Variants in LRRK2 observed in about 807,000 individuals in gnomAD.
LRRK2 encodes leucine rich repeat kinase 2, also known as leucine-rich repeat serine/threonine-protein kinase 2.
Under a neutral mutation model 302.6 loss-of-function variants are expected in LRRK2, and 203 were observed. The ratio of observed to expected loss-of-function variants is 0.67; its 90% CI spans 0.60 to 0.75. The LOEUF is 0.75. Ranked by LOEUF, LRRK2 falls within the 30% of genes least tolerant of loss-of-function variation. The probability of loss-of-function intolerance (pLI) is 0.00; values close to 1 mark genes in which losing one functional copy is unlikely to be tolerated. For missense variants in LRRK2, 2,830 were observed against 2,951.0 expected, an observed-to-expected ratio of 0.96 and a Z score of 0.95; for synonymous variants, 1,066 against 1,031.9, an observed-to-expected ratio of 1.03 and a Z score of -0.63.
chr12:40,241,625 A>T (rs1322578244), intron 6 of LRRK2, among the ~76,000 whole-genome samples: 1 of 152,194 alleles, frequency 6.6e-6, no homozygotes, highest in Non-Finnish European at 1.5e-5. Context: ...TTAGAGTTAA[A>T]CAATGTACCT....
chr12:40,326,281 G>A (rs1472651931), intron 38 of LRRK2, among the ~76,000 whole-genome samples: 1 of 151,890 alleles, frequency 6.6e-6, no homozygotes, highest in Non-Finnish European at 1.5e-5. Flanking sequence ...TGGCTAACAC[G>A]GTGAAACCCC....
In LRRK2 at chr12:40,257,499, A is replaced by G. The variant is rs895589172; in HGVS notation, c.1418+122A>G. 3.3e-5 allele frequency: 39 copies of G among 1,185,872 alleles called. No homozygotes were observed. The East Asian group carries it at 7.5e-4, about 23-fold the overall frequency. 73.5% of individuals were successfully genotyped at this position (1,185,872 alleles called of 1,614,324 possible). A position where few individuals can be genotyped will look rare whatever the true frequency, so the allele number is the denominator to read the frequency against. On this transcript the variant is annotated intron_variant, in intron 12 of 50. Transcript: ENST00000298910. The stretch of plus-strand genomic sequence containing the variant: ...AAAACATAAGACACTTGAAAACTGA[A>G]GCATTTTGCAATGTAATCTCGTGTC...
At chr12:40,338,246 T>C (rs1945934092) in intron 40 of LRRK2, among the ~76,000 whole-genome samples, 2 of 152,152 alleles carry the variant, frequency 1.3e-5, no homozygotes, top group African/African-American at 4.8e-5. Context: ...ACAATCCTTC[T>C]GGATTGTGAC....
At chr12:40,316,093 C>T (rs1301395720) in intron 33 of LRRK2, among the ~76,000 whole-genome samples, 1 of 151,898 alleles carries the variant, frequency 6.6e-6, no homozygotes, top group Non-Finnish European at 1.5e-5. Context: ...GAAAAATTAC[C>T]CTAGTTGAGA....
At chr12:40,276,822 G>T (rs1322553748) in intron 16 of LRRK2, among the ~76,000 whole-genome samples, 1 of 152,030 alleles carries the variant, frequency 6.6e-6, no homozygotes, top group Non-Finnish European at 1.5e-5. Flanking sequence ...TTAATATTTA[G>T]ATGACGTAAG....
chr12:40,355,540 C>T (rs1946505636), intron 45 of LRRK2, among the ~76,000 whole-genome samples: 1 of 45,198 alleles, frequency 2.2e-5, no homozygotes, highest in Non-Finnish European at 6.4e-5. Context: ...TTCCTTCCTT[C>T]CTTCTTCTTT....
Position 40,259,496 on chromosome 12 carries a change from A to G in LRRK2, c.1435A>G (p.Ile479Val), listed in dbSNP as rs1384098520. ...LFEGSNTSLD[I>V]MAAVVPKILT... ...TATCCCCAGCAACACTTCCCTGGAT[A>G]TAATGGCAGCAGTGGTCCCCAAAAT... Residue 479 changes from isoleucine (I) to valine (V), a missense_variant, in exon 13 of 51, where the codon ATA becomes GTA. Physicochemically the swap from Ile to Val is conservative, Grantham distance 29. Transcript: ENST00000298910. The G allele has an allele frequency of 1.9e-6, 3 of 1,613,332 alleles. No homozygotes were observed. Among genetic ancestry groups the G allele is most frequent in the Admixed American group, 3.3e-5 (2 of 59,964 alleles).
chr12:40,322,249 A>C, intron 36 of LRRK2, 68 bp downstream of exon 36: 1 of 1,564,812 alleles, frequency 6.4e-7, no homozygotes, highest in Non-Finnish European at 8.7e-7. Flanking sequence ...AAAAAAAAAA[A>C]CTTTACCTTA....
intron 35 of LRRK2, 89 bp from the exon 36 acceptor site, chr12:40,321,946 A>C (rs989395120): frequency 2.1e-5 from 27 of 1,271,038 alleles, no homozygotes; most frequent in South Asian, 2.4e-5. Flanking sequence ...AAATGAATAG[A>C]TCTGTATTAC....
At chr12:40,305,740 T>G (rs1243847773) in intron 27 of LRRK2, 45 bp from the exon 28 acceptor site, 1 of 1,575,906 alleles carries the variant, frequency 6.3e-7, no homozygotes, top group East Asian at 2.2e-5. Flanking sequence ...AGAGCACATT[T>G]CTTCCTTCCC....
chr12:40,278,159 A>G lies in LRRK2; in HGVS notation c.2139A>G (p.Leu713=). 4.3e-6 allele frequency: 7 copies of G among 1,614,126 alleles called. No homozygotes were observed. The highest frequency in any genetic ancestry group is 5.9e-6 in the Non-Finnish European group (7 of 1,179,998). The change falls in exon 18 of 51, where the codon CTA becomes CTG. Residue 713 remains leucine, a synonymous_variant. Transcript: ENST00000298910. ...ATGATTACTTAAAAAATGTGATGCT[A>G]GAGAGAGCGTGTGATCAGAATAACA... ...AMDDYLKNVM[L]ERACDQNNSI...
chr12:40,358,420 G>A (rs1451173422), intron 46 of LRRK2, among the ~76,000 whole-genome samples: 2 of 152,112 alleles, frequency 1.3e-5, no homozygotes, highest in Non-Finnish European at 2.9e-5. Flanking sequence ...GTGAGAGAGT[G>A]GGGCCTACTT....
At chr12:40,268,996 A>G (rs1943130200) in intron 14 of LRRK2, among the ~76,000 whole-genome samples, 2 of 152,196 alleles carry the variant, frequency 1.3e-5, no homozygotes, top group Admixed American at 1.3e-4. Context: ...CAGATGGATG[A>G]GATTTAAAGT....
intron 12 of LRRK2, among the ~76,000 whole-genome samples, chr12:40,258,066 A>T (rs2136512306): frequency 6.6e-6 from 1 of 152,306 alleles, no homozygotes; most frequent in Admixed American, 6.5e-5. Flanking sequence ...TTCATCTCTA[A>T]AACTTCACGT....
intron 20 of LRRK2, among the ~76,000 whole-genome samples, chr12:40,290,129 T>C (rs557403518): frequency 6.6e-6 from 1 of 152,124 alleles, no homozygotes; most frequent in Admixed American, 6.6e-5. Flanking sequence ...GAGAGCCTTT[T>C]TTTATCATTA....
chr12:40,230,065 A>T (rs1351971577), intron 2 of LRRK2, among the ~76,000 whole-genome samples: 1 of 149,408 alleles, frequency 6.7e-6, no homozygotes, highest in Non-Finnish European at 1.5e-5. Context: ...GCACAAAAAT[A>T]GTCAGTTTCT....
At chr12:40,342,318 C>T (rs1304004056) in intron 41 of LRRK2, among the ~76,000 whole-genome samples, 1 of 152,158 alleles carries the variant, frequency 6.6e-6, no homozygotes, top group East Asian at 1.9e-4. Context: ...TAATATCCAT[C>T]TGATTCTTCA....
At chr12:40,296,517 A>G (rs1007847145) in intron 23 of LRRK2, among the ~76,000 whole-genome samples, 9 of 151,976 alleles carry the variant, frequency 5.9e-5, no homozygotes, top group African/African-American at 2.2e-4. Context: ...CTGTGGTCCC[A>G]GCTACTTGGG....
Position 40,310,377 on chromosome 12 carries a change from G to A in LRRK2, c.4318-54G>A, listed in dbSNP as rs1944997363. On this transcript the variant is annotated intron_variant, in intron 30 of 50. Transcript: ENST00000298910. Reference sequence around the variant, plus strand: ...GGAAAGCAAATATCAACAGGAATGTGAGCAGGCCCAGTTTGAAAGCAAACA... The same window carrying A: ...GGAAAGCAAATATCAACAGGAATGTAAGCAGGCCCAGTTTGAAAGCAAACA... 1.9e-6 allele frequency: 3 copies of A among 1,541,146 alleles called. No homozygotes were observed. In the African/African-American group the frequency reaches 4.1e-5, roughly 21 times the overall value.
Sources: gnomAD v4.1 joint callset for allele counts (sites outside exome capture counted in the v4.1 genomes callset) on GRCh38, gnomAD v4.1.1 for gene constraint, MANE v1.5 for transcripts, NCBI Gene and HGNC (gene_info 2026-07-23, HGNC 2026-07-21) for gene names.